Variants in DOCK3 observed in about 807,000 individuals in gnomAD.
The protein encoded by DOCK3 is dedicator of cytokinesis 3, also known as dedicator of cytokinesis protein 3.
A neutral mutation model predicts 265.6 loss-of-function variants in DOCK3; 60 were observed. The ratio of observed to expected loss-of-function variants is 0.23; its 90% confidence interval spans 0.18 to 0.28. The LOEUF (loss-of-function observed/expected upper bound fraction) is 0.28. Ranked by LOEUF, DOCK3 falls within the 10% of genes least tolerant of loss-of-function variation. DOCK3 has a pLI of 1.00. For synonymous variants in DOCK3, 881 were observed against 938.0 expected, an observed-to-expected ratio of 0.94 and a Z score of 1.11; for missense variants, 1,981 against 2,594.3, an observed-to-expected ratio of 0.76 and a Z score of 5.14.
At chr3:51,372,381 G>A (rs1351453301) in intron 49 of DOCK3, among the ~76,000 whole-genome samples, 1 of 152,216 alleles carries the variant, frequency 6.6e-6, no homozygotes, top group African/African-American at 2.4e-5. Context: ...AAGTGGTAGA[G>A]TTAAAAATTT....
In DOCK3 at chr3:50,699,094, T is replaced by C. The variant is rs542042524; in HGVS notation, c.37+23794T>C. 2.7e-4 allele frequency among the ~76,000 whole-genome samples: 41 copies of C among 152,324 alleles called. 1 individual carries two copies. The highest frequency in any genetic ancestry group is 2.5e-3 in the Admixed American group (38 of 15,298). On this transcript the variant is annotated intron_variant, in intron 1 of 52. Coordinates refer to ENST00000266037, the MANE Select transcript of DOCK3 (RefSeq NM_004947.5). Reference sequence around the variant, plus strand: ...TCCATTTCGAGTTAATTTTTCTATGTGATAGTAGAGAAGGGTCCAACTTCA... The same window carrying C: ...TCCATTTCGAGTTAATTTTTCTATGCGATAGTAGAGAAGGGTCCAACTTCA...
intron 31 of DOCK3, among the ~76,000 whole-genome samples, 159 bp from the exon 32 acceptor site, chr3:51,314,811 CATAAACTCTA>C (rs1446325925): frequency 1.3e-5 from 2 of 152,138 alleles, no homozygotes; most frequent in Non-Finnish European, 2.9e-5. Context: ...CAACTTTATC[CATAAACTCTA>C]AAAAGTTGAG....
At chr3:50,717,896 A>T (rs1200148694) in intron 1 of DOCK3, among the ~76,000 whole-genome samples, 1 of 152,196 alleles carries the variant, frequency 6.6e-6, no homozygotes, top group African/African-American at 2.4e-5. Flanking sequence ...AAGTGCTGGG[A>T]TTACATGCAT....
intron 10 of DOCK3, among the ~76,000 whole-genome samples, chr3:51,148,880 A>C (rs2085430604): frequency 6.6e-6 from 1 of 152,178 alleles, no homozygotes; most frequent in African/African-American, 2.4e-5. Flanking sequence ...TTCTGTGAAG[A>C]AAGTCATTGG....
At chr3:50,785,642 CTG>C (rs2042142092) in intron 2 of DOCK3, among the ~76,000 whole-genome samples, 2 of 152,150 alleles carry the variant, frequency 1.3e-5, no homozygotes, top group African/African-American at 4.8e-5. Flanking sequence ...TAAACCATCT[CTG>C]TGTTCCTGGT....
At chr3:51,032,119 C>T (rs1169917278) in intron 5 of DOCK3, among the ~76,000 whole-genome samples, 2 of 148,992 alleles carry the variant, frequency 1.3e-5, no homozygotes, top group Non-Finnish European at 3.0e-5. Flanking sequence ...CCTCCCTCCT[C>T]GTGTGTGTGT....
At chr3:50,996,567 A>G (rs1378222050) in intron 5 of DOCK3, among the ~76,000 whole-genome samples, 1 of 152,050 alleles carries the variant, frequency 6.6e-6, no homozygotes, top group African/African-American at 2.4e-5. Context: ...GTATATGATA[A>G]TAAACCCCAT....
chr3:50,742,396 C>A lies in DOCK3; in HGVS notation c.38-36279C>A, dbSNP rs566678015. On this transcript the variant is annotated intron_variant, in intron 1 of 52. Transcript: ENST00000266037. ...GAAGGCTTCAGACGATCAAACTACT[C>A]CGAGCTACAGGAGGAAATTCAAACC... Among the ~76,000 whole-genome samples, 336 of 152,116 alleles carry A rather than the reference C, an allele frequency of 2.2e-3. 1 individual carries two copies. Among genetic ancestry groups the A allele is most frequent in the African/African-American group, 7.9e-3 (326 of 41,470 alleles).
At position 50,937,754 on chromosome 3, in the gene DOCK3, T is replaced by A. The variant is rs144675119; in HGVS notation, c.315+3677T>A. ...TAGAGCAATCATTAAAATATTAAAG[T>A]GATATAATAAAAAGTACTGTAAAAT... On this transcript the variant is annotated intron_variant, in intron 5 of 52. Transcript: ENST00000266037. 7.5e-4 allele frequency among the ~76,000 whole-genome samples: 114 copies of A among 151,942 alleles called. 2 individuals are homozygous for A. In the East Asian group the frequency reaches 0.02, roughly 27 times the overall value.
chr3:50,901,636 C>G (rs13097480), intron 4 of DOCK3: 3 of 453,536 alleles, frequency 6.6e-6, no homozygotes. Flanking sequence ...GTGTGGATTG[C>G]GAGGACCATG....
chr3:50,886,988 C>G (rs1421078502), intron 3 of DOCK3, among the ~76,000 whole-genome samples: 1 of 151,960 alleles, frequency 6.6e-6, no homozygotes, highest in African/African-American at 2.4e-5. Flanking sequence ...CAAAAGCTAG[C>G]AGAAGGCAAG....
intron 3 of DOCK3, among the ~76,000 whole-genome samples, chr3:50,869,182 G>A (rs1356288047): frequency 6.6e-6 from 1 of 150,620 alleles, no homozygotes; most frequent in Non-Finnish European, 1.5e-5. Flanking sequence ...CACTGTGTTA[G>A]CCAGGATGGT....
intron 2 of DOCK3, among the ~76,000 whole-genome samples, chr3:50,800,985 AT>A (rs1364844215): frequency 1.3e-5 from 2 of 152,090 alleles, no homozygotes; most frequent in East Asian, 3.9e-4. Context: ...TCCTTTTCTT[AT>A]TGATATCTAG....
At chr3:50,999,535 C>A (rs1366869185) in intron 5 of DOCK3, among the ~76,000 whole-genome samples, 2 of 152,184 alleles carry the variant, frequency 1.3e-5, no homozygotes, top group African/African-American at 4.8e-5. Flanking sequence ...TAGGTTTTAT[C>A]CAGCCTTGTA....
chr3:50,873,299 C>G (rs1214759365), intron 3 of DOCK3, among the ~76,000 whole-genome samples: 1 of 152,112 alleles, frequency 6.6e-6, no homozygotes, highest in Non-Finnish European at 1.5e-5. Flanking sequence ...AGCAGGTTCC[C>G]TTCTGGGCCA....
chr3:51,372,093 C>T (rs913287754), intron 49 of DOCK3, among the ~76,000 whole-genome samples: 3 of 152,104 alleles, frequency 2.0e-5, no homozygotes, highest in East Asian at 1.9e-4. Context: ...AGCACTGTAT[C>T]GGTCAATGAG....
chr3:51,117,807 C>A (rs1315689314), intron 9 of DOCK3, among the ~76,000 whole-genome samples: 9 of 151,984 alleles, frequency 5.9e-5, no homozygotes, highest in African/African-American at 2.2e-4. Flanking sequence ...CAGTGGTGAT[C>A]AACCCTTTAT....
intron 9 of DOCK3, among the ~76,000 whole-genome samples, chr3:51,110,959 G>A (rs532367364): frequency 1.3e-5 from 2 of 152,292 alleles, no homozygotes; most frequent in South Asian, 4.1e-4. Context: ...AGCTCCTTAA[G>A]CTGATAAACA....
intron 27 of DOCK3, among the ~76,000 whole-genome samples, chr3:51,294,493 A>G (rs1467775118): frequency 2.0e-5 from 3 of 152,132 alleles, no homozygotes; most frequent in Non-Finnish European, 2.9e-5. Context: ...CCTGGCTAAC[A>G]TGGTGAAACC....
Sources: gnomAD v4.1 joint callset for allele counts (sites outside exome capture counted in the v4.1 genomes callset) on GRCh38, gnomAD v4.1.1 for gene constraint, MANE v1.5 for transcripts, NCBI Gene and HGNC (gene_info 2026-07-23, HGNC 2026-07-21) for gene names.